WWOX: variants seen among roughly 807,000 people sequenced by gnomAD.
The protein encoded by WWOX is WW domain containing oxidoreductase.
Under a neutral mutation model 46.2 loss-of-function variants are expected in WWOX, and 69 were observed. The ratio of observed to expected loss-of-function variants is 1.49; its 90% CI spans 1.23 to 1.82. The LOEUF (loss-of-function observed/expected upper bound fraction) is 1.82. Among genes scored for constraint, WWOX ranks in the 40% most tolerant of loss-of-function variants. The pLI is 0.00. For missense variants in WWOX, 919 were observed against 542.6 expected (o/e 1.69, Z -6.89); for synonymous variants, 359 against 202.6 (o/e 1.77, Z -6.56).
chr16:78,420,448 G>T (rs746478748), intron 6 of WWOX, among the ~76,000 whole-genome samples: 2 of 152,046 alleles, frequency 1.3e-5, no homozygotes, highest in Admixed American at 6.6e-5. Flanking sequence ...AAAAGAAATG[G>T]ATTACTGATA....
intron 8 of WWOX, among the ~76,000 whole-genome samples, chr16:79,195,080 G>A (rs972311966): frequency 6.6e-6 from 1 of 152,148 alleles, no homozygotes. Flanking sequence ...GATGGCTAAA[G>A]TGTGAGCATA....
intron 8 of WWOX, among the ~76,000 whole-genome samples, chr16:78,541,585 A>G (rs1246038620): frequency 6.6e-6 from 1 of 150,870 alleles, no homozygotes; most frequent in African/African-American, 2.4e-5. Context: ...GATAGGGTAT[A>G]ATTTAATTGT....
intron 5 of WWOX, among the ~76,000 whole-genome samples, chr16:78,229,533 A>ATATAT (rs369604047): frequency 0.012 from 1,782 of 145,508 alleles, 24 homozygotes; most frequent in African/African-American, 0.028. Flanking sequence ...TATATATATA[A>ATATAT]AATAATGAAT....
chr16:79,128,002 G>A (rs939833255), intron 8 of WWOX, among the ~76,000 whole-genome samples: 1 of 152,168 alleles, frequency 6.6e-6, no homozygotes, highest in South Asian at 2.1e-4. Flanking sequence ...GAAAGTGCAT[G>A]GCAAAGACCC....
intron 8 of WWOX, among the ~76,000 whole-genome samples, chr16:78,685,892 GAA>G (rs747084818): frequency 7.1e-5 from 8 of 113,450 alleles, no homozygotes; most frequent in Non-Finnish European, 1.7e-4. Flanking sequence ...AGAGAGAGAG[GAA>G]AAAAAACAAA....
intron 5 of WWOX, among the ~76,000 whole-genome samples, chr16:78,321,022 C>T (rs2080456037): frequency 1.3e-5 from 2 of 152,032 alleles, no homozygotes; most frequent in Non-Finnish European, 2.9e-5. Flanking sequence ...ACACCTTAAC[C>T]AATAGCCTCA....
At chr16:79,145,230 G>C (rs968700217) in intron 8 of WWOX, among the ~76,000 whole-genome samples, 1 of 152,094 alleles carries the variant, frequency 6.6e-6, no homozygotes, top group Admixed American at 6.5e-5. Flanking sequence ...ACAATTTTAT[G>C]GTTCTATCAG....
chr16:79,112,113 C>A (rs767219348), intron 8 of WWOX, among the ~76,000 whole-genome samples: 2 of 152,266 alleles, frequency 1.3e-5, no homozygotes, highest in Admixed American at 6.5e-5. Flanking sequence ...TCTCTCTCTC[C>A]CTCCTTCCCA....
intron 8 of WWOX, among the ~76,000 whole-genome samples, chr16:79,024,050 G>A (rs1352649242): frequency 1.3e-5 from 2 of 152,184 alleles, no homozygotes; most frequent in Admixed American, 6.5e-5. Context: ...ACCTAGAATA[G>A]GCACCTCCAA....
chr16:78,453,358 GGTGGCAGTGA>G (rs1327050414), intron 8 of WWOX, among the ~76,000 whole-genome samples: 1 of 151,928 alleles, frequency 6.6e-6, no homozygotes, highest in African/African-American at 2.4e-5. Context: ...GAGAGGTGGA[GGTGGCAGTGA>G]GTGGAGATCA....
At chr16:78,282,396 C>A (rs1232525530) in intron 5 of WWOX, among the ~76,000 whole-genome samples, 1 of 152,190 alleles carries the variant, frequency 6.6e-6, no homozygotes, top group Non-Finnish European at 1.5e-5. Context: ...TGGTCTCTTA[C>A]TAGTGGTCAG....
rs182294769 is a variant in WWOX at position 78,286,792 on chromosome 16, A to G, written c.517-100068A>G. On this transcript the variant is annotated intron_variant, in intron 5 of 8. Transcript: ENST00000566780. ...GAGCATCATAAAATATAACTATATG[A>G]GTATCATAGAAAAGTTAAAGCTGTC... Among the ~76,000 whole-genome samples the G allele has an allele frequency of 2.1e-5, 3 of 142,800 alleles. No individual in the cohort carries two copies. In the Admixed American group the frequency reaches 2.2e-4, roughly 10 times the overall value. 93.7% of individuals were successfully genotyped at this position (142,800 alleles called of 152,430 possible). A position where few individuals can be genotyped will look rare whatever the true frequency, so the allele number is the denominator to read the frequency against.
At chr16:78,244,721 G>A (rs1397480340) in intron 5 of WWOX, among the ~76,000 whole-genome samples, 4 of 152,170 alleles carry the variant, frequency 2.6e-5, no homozygotes, top group Non-Finnish European at 5.9e-5. Context: ...AGCAACACTT[G>A]CACCTGCAGT....
intron 8 of WWOX, chr16:79,204,711 C>T (rs745573602): frequency 1.3e-5 from 2 of 152,232 alleles, no homozygotes; most frequent in African/African-American, 2.4e-5. Context: ...AAGTTAACAT[C>T]CTCCCATGCC....
chr16:78,834,899 C>T (rs549273792), intron 8 of WWOX, among the ~76,000 whole-genome samples: 63 of 152,150 alleles, frequency 4.1e-4, no homozygotes, highest in Non-Finnish European at 8.1e-4. Flanking sequence ...AATAATCATG[C>T]GTACCACCTT....
intron 8 of WWOX, among the ~76,000 whole-genome samples, chr16:79,156,723 G>A (rs1054639986): frequency 6.6e-6 from 1 of 151,962 alleles, no homozygotes; most frequent in East Asian, 1.9e-4. Context: ...AATTTAAGAG[G>A]GGGGTGGGGG....
At chr16:78,353,076 A>G (rs1224407316) in intron 5 of WWOX, among the ~76,000 whole-genome samples, 1 of 152,034 alleles carries the variant, frequency 6.6e-6, no homozygotes, top group Admixed American at 6.5e-5. Flanking sequence ...TTTTTGTATG[A>G]GGAATAAATA....
chr16:78,432,352 C>A, intron 7 of WWOX, 136 bp from the exon 8 acceptor site: 2 of 1,168,150 alleles, frequency 1.7e-6, no homozygotes, highest in South Asian at 1.3e-5. Context: ...GTGATCCACT[C>A]GTCTAAGACT....
intron 8 of WWOX, among the ~76,000 whole-genome samples, chr16:78,844,513 C>T (rs912698601): frequency 5.3e-5 from 8 of 151,904 alleles, no homozygotes; most frequent in Admixed American, 4.6e-4. Flanking sequence ...CATCCCGAGC[C>T]CGAACATCAA....
Sources: gnomAD v4.1 joint callset for allele counts (sites outside exome capture counted in the v4.1 genomes callset) on GRCh38, gnomAD v4.1.1 for gene constraint, MANE v1.5 for transcripts, NCBI Gene and HGNC (gene_info 2026-07-23, HGNC 2026-07-21) for gene names.